The following UNC13B variants were observed in gnomAD, a reference collection of about 807,000 sequenced individuals.
UNC13B encodes unc-13 homolog B.
A neutral mutation model predicts 211.0 loss-of-function variants in UNC13B; 144 were observed. That is an observed-to-expected ratio of 0.68 (90% CI 0.60 to 0.78). The LOEUF (loss-of-function observed/expected upper bound fraction) is 0.78, where lower values mean the gene tolerates loss of function less well. Among genes scored for constraint, UNC13B ranks in the 30% least tolerant of loss-of-function variants. The pLI is 0.00. For synonymous variants in UNC13B, 709 were observed against 725.8 expected (o/e 0.98, Z 0.37); for missense variants, 1,777 against 2,002.0 (o/e 0.89, Z 2.14).
chr9:35,278,072 A>G (rs1373952512), intron 7 of UNC13B, among the ~76,000 whole-genome samples: 1 of 152,172 alleles, frequency 6.6e-6, no homozygotes, highest in African/African-American at 2.4e-5. Context: ...GAAAAGAATG[A>G]GGAGAGGATT....
chr9:35,355,581 G>C, intron 11 of UNC13B, among the ~76,000 whole-genome samples: 1 of 152,158 alleles, frequency 6.6e-6, no homozygotes, highest in East Asian at 1.9e-4. Flanking sequence ...AAGCTTTGCT[G>C]TCATACAAAT....
intron 11 of UNC13B, among the ~76,000 whole-genome samples, chr9:35,339,292 G>C (rs976067031): frequency 6.6e-6 from 1 of 152,216 alleles, no homozygotes; most frequent in African/African-American, 2.4e-5. Context: ...TGAGGTGGGT[G>C]CTGTGCTATT....
At chr9:35,262,482 A>AT (rs1231689658) in intron 7 of UNC13B, among the ~76,000 whole-genome samples, 2 of 151,778 alleles carry the variant, frequency 1.3e-5, no homozygotes, top group African/African-American at 4.8e-5. Context: ...CTCCCAGCTA[A>AT]TTTTTTTGTA....
chr9:35,257,335 AT>A (rs1826951942), intron 6 of UNC13B, among the ~76,000 whole-genome samples: 3 of 132,624 alleles, frequency 2.3e-5, no homozygotes, highest in African/African-American at 8.3e-5. Context: ...AAATATTTAT[AT>A]AAATATTTAT....
rs1166323243 is a variant in UNC13B at position 35,291,126 on chromosome 9, T to G, written c.527-4570T>G. ...CAGAGTACGTAAGAATTGAAATTCCTTATCATTTTCTTGATCTTACCCACA... is the reference window on the plus strand; with the variant it reads ...CAGAGTACGTAAGAATTGAAATTCCGTATCATTTTCTTGATCTTACCCACA... On this transcript the variant is annotated intron_variant, in intron 7 of 39. Coordinates refer to ENST00000635942, the MANE Select transcript of UNC13B (RefSeq NM_001371189.2). The G allele has an allele frequency of 1.9e-6, 3 of 1,549,882 alleles. No individual in the cohort carries two copies. The Admixed American group carries it at 5.9e-5, about 30-fold the overall frequency.
chr9:35,203,420 T>C (rs897339609), intron 1 of UNC13B, among the ~76,000 whole-genome samples: 2 of 152,202 alleles, frequency 1.3e-5, no homozygotes, highest in African/African-American at 4.8e-5. Flanking sequence ...TTATGAAGCT[T>C]AGTTTGGCTG....
At chr9:35,214,844 T>G (rs1824169235) in intron 1 of UNC13B, among the ~76,000 whole-genome samples, 1 of 152,226 alleles carries the variant, frequency 6.6e-6, no homozygotes, top group Non-Finnish European at 1.5e-5. Flanking sequence ...AGCTAAATTA[T>G]TCAAAATTGA....
intron 30 of UNC13B, 27 bp from the exon 31 acceptor site, chr9:35,398,184 A>C: frequency 6.2e-7 from 1 of 1,606,642 alleles, no homozygotes; most frequent in Non-Finnish European, 8.5e-7. Context: ...AGGAGCCAAG[A>C]CTCAACAGCT....
intron 11 of UNC13B, among the ~76,000 whole-genome samples, chr9:35,335,764 A>C (rs886112997): frequency 2.0e-5 from 3 of 149,758 alleles, no homozygotes; most frequent in African/African-American, 7.4e-5. Context: ...ATCACGGCTC[A>C]CTGTAACCTC....
chr9:35,250,851 G>A (rs1372844869), intron 6 of UNC13B, among the ~76,000 whole-genome samples: 1 of 150,554 alleles, frequency 6.6e-6, no homozygotes, highest in African/African-American at 2.4e-5. Flanking sequence ...TCCATTCTTC[G>A]ATTCTTAGCA....
chr9:35,186,049 G>A (rs925020002), intron 1 of UNC13B, among the ~76,000 whole-genome samples: 1 of 152,128 alleles, frequency 6.6e-6, no homozygotes, highest in African/African-American at 2.4e-5. Flanking sequence ...CAGGGCATAA[G>A]GAGAAGGGGC....
chr9:35,163,155 G>T (rs749393710), intron 1 of UNC13B, among the ~76,000 whole-genome samples: 1 of 152,118 alleles, frequency 6.6e-6, no homozygotes, highest in East Asian at 1.9e-4. Context: ...GAAAACACAG[G>T]GTTTGGATTA....
At chr9:35,235,944 C>T (rs975122092) in intron 3 of UNC13B, among the ~76,000 whole-genome samples, 5 of 152,130 alleles carry the variant, frequency 3.3e-5, no homozygotes, top group African/African-American at 1.2e-4. Context: ...ATCTCCAAAG[C>T]GGAAAGAATG....
rs1255477258 is a variant in UNC13B, at chr9:35,162,154, C to A, written c.-130C>A. On this transcript the variant is annotated 5_prime_UTR_variant, in exon 1 of 40. Coordinates refer to ENST00000635942, the MANE Select transcript of UNC13B (RefSeq NM_001371189.2). ...CGAGGCAGCGGCGGGACGCTACCTG[C>A]GACCGGGACCATGAGGAGCTGCCAG... 1.4e-5 allele frequency: 20 copies of A among 1,396,306 alleles called. No homozygotes were observed. The highest frequency in any genetic ancestry group is 1.9e-5 in the Non-Finnish European group (19 of 1,024,924). The allele number at this position is 1,396,306 out of a possible 1,614,324, so 86.5% of individuals were successfully genotyped here. A position where few individuals can be genotyped will look rare whatever the true frequency, so the allele number is the denominator to read the frequency against.
chr9:35,259,128 T>A, intron 7 of UNC13B, 78 bp downstream of exon 7: 1 of 1,462,794 alleles, frequency 6.8e-7, no homozygotes, highest in Non-Finnish European at 9.5e-7. Context: ...TATTCTGAGC[T>A]GGGGAGGGTG....
intron 1 of UNC13B, among the ~76,000 whole-genome samples, chr9:35,209,768 C>T (rs573749181): frequency 6.6e-6 from 1 of 152,220 alleles, no homozygotes; most frequent in East Asian, 1.9e-4. Context: ...CTTTTCCCTA[C>T]ATCATTCTTC....
rs560522259 is a variant in UNC13B, at chr9:35,386,469, C to T, written c.11094+176C>T. 4.8e-4 allele frequency among the ~76,000 whole-genome samples: 73 copies of T among 152,052 alleles called. 2 individuals are homozygous for T. The South Asian group carries it at 0.015, about 32-fold the overall frequency. On this transcript the variant is annotated intron_variant, in intron 24 of 39. Coordinates refer to ENST00000635942, the MANE Select transcript of UNC13B (RefSeq NM_001371189.2). Reference sequence around the variant, plus strand: ...GTGAGATATGTGGATGGAAAGAGACCCCTGGGCAAGATGAGACATACCTGA... The same window carrying T: ...GTGAGATATGTGGATGGAAAGAGACTCCTGGGCAAGATGAGACATACCTGA...
At chr9:35,257,439 T>C (rs565507229) in intron 6 of UNC13B, among the ~76,000 whole-genome samples, 6 of 145,180 alleles carry the variant, frequency 4.1e-5, no homozygotes, top group South Asian at 4.3e-4. Context: ...ATATTAGCCA[T>C]GTTTGGTGGC....
At chr9:35,380,415 AG>A (rs1233707779) in intron 17 of UNC13B, 54 bp from the exon 18 acceptor site, 1 of 1,576,842 alleles carries the variant, frequency 6.3e-7, no homozygotes, top group Non-Finnish European at 8.7e-7. Flanking sequence ...AGGAAGTAAC[AG>A]GATTTGGCGC....
Sources: gnomAD v4.1 joint callset for allele counts (sites outside exome capture counted in the v4.1 genomes callset) on GRCh38, gnomAD v4.1.1 for gene constraint, MANE v1.5 for transcripts, NCBI Gene and HGNC (gene_info 2026-07-23, HGNC 2026-07-21) for gene names.